The following ME2 variants were observed in gnomAD, a reference collection of about 807,000 sequenced individuals.
ME2 encodes malic enzyme 2.
A neutral mutation model predicts 73.7 loss-of-function variants in ME2; 60 were observed. The ratio of observed to expected loss-of-function variants is 0.81; its 90% CI spans 0.66 to 1.01. The LOEUF is 1.01. Ranked by LOEUF, ME2 falls within the 50% of genes least tolerant of loss-of-function variation. The pLI, the probability that ME2 is intolerant of heterozygous loss-of-function variation, is 0.00. For synonymous variants in ME2, 199 were observed against 236.9 expected (o/e 0.84, Z 1.47); for missense variants, 594 against 705.5 (o/e 0.84, Z 1.79).
chr18:50,911,321 G>T (rs1174595063), intron 3 of ME2, among the ~76,000 whole-genome samples: 1 of 152,120 alleles, frequency 6.6e-6, no homozygotes, highest in African/African-American at 2.4e-5. Context: ...TATTAGCTAT[G>T]TAGAAAATAA....
intron 12 of ME2, among the ~76,000 whole-genome samples, chr18:50,930,087 C>T (rs973778418): frequency 1.3e-5 from 2 of 151,880 alleles, no homozygotes; most frequent in Non-Finnish European, 2.9e-5. Flanking sequence ...TAGCGAAACC[C>T]TGTCTGTATA....
chr18:50,911,120 A>T (rs530118775), intron 3 of ME2, among the ~76,000 whole-genome samples: 1 of 152,202 alleles, frequency 6.6e-6, no homozygotes, highest in African/African-American at 2.4e-5. Flanking sequence ...AAGTGGTAAC[A>T]TTGAGGAGAT....
At chr18:50,892,626 A>C (rs1307829464) in intron 1 of ME2, among the ~76,000 whole-genome samples, 1 of 152,028 alleles carries the variant, frequency 6.6e-6, no homozygotes, top group Non-Finnish European at 1.5e-5. Context: ...ATCTTAACTT[A>C]TTATTGCTGA....
At position 50,932,287 on chromosome 18, in the gene ME2, A is replaced by G. The variant is rs750435192; in HGVS notation, c.1344A>G (p.Pro448=). ...GGTGTTTGTTTGCCAGTGGCAGTCC[A>G]TTTGGGCCAGTGAAACTTACAGATG... ...EGRCLFASGS[P]FGPVKLTDGR... Residue 448 remains proline (P), a synonymous_variant, in exon 13 of 16, where the codon CCA becomes CCG. Transcript: ENST00000321341. The G allele has an allele frequency of 3.7e-6, 6 of 1,612,494 alleles. No individual in the cohort carries two copies. Among genetic ancestry groups the G allele is most frequent in the South Asian group, 3.3e-5 (3 of 90,910 alleles).
At chr18:50,926,001 C>A in intron 12 of ME2, 103 bp downstream of exon 12, 1 of 797,568 alleles carries the variant, frequency 1.3e-6, no homozygotes, top group Non-Finnish European at 2.0e-6. Context: ...CTAGAGATTA[C>A]AGCATGCATC....
chr18:50,922,337 T>C (rs979860946), intron 10 of ME2, among the ~76,000 whole-genome samples: 1 of 152,146 alleles, frequency 6.6e-6, no homozygotes, highest in African/African-American at 2.4e-5. Flanking sequence ...TCGAGGGAGT[T>C]TTCCAAAGTC....
chr18:50,934,627 A>G (rs1917773790), intron 13 of ME2: 1 of 152,144 alleles, frequency 6.6e-6, no homozygotes, highest in African/African-American at 2.4e-5. Context: ...CAGCCTGGGC[A>G]ACAAAGTGAG....
At chr18:50,926,229 G>A (rs986599197) in intron 12 of ME2, among the ~76,000 whole-genome samples, 1 of 152,094 alleles carries the variant, frequency 6.6e-6, no homozygotes, top group African/African-American at 2.4e-5. Context: ...CTTCCTGCAA[G>A]TGCTTCTACC....
At chr18:50,889,730 C>T (rs1326391206) in intron 1 of ME2, among the ~76,000 whole-genome samples, 1 of 152,168 alleles carries the variant, frequency 6.6e-6, no homozygotes, top group Non-Finnish European at 1.5e-5. Context: ...CTAGGAATCT[C>T]ATGCAGTTTT....
chr18:50,904,409 G>A (rs1388158968), intron 2 of ME2, among the ~76,000 whole-genome samples: 1 of 151,436 alleles, frequency 6.6e-6, no homozygotes, highest in Non-Finnish European at 1.5e-5. Context: ...TTCCCAAGTA[G>A]CTGGGACTAC....
chr18:50,920,225 G>T (rs675649), intron 7 of ME2, among the ~76,000 whole-genome samples: 104,731 of 151,968 alleles, frequency 0.69, 36,601 homozygotes, highest in African/African-American at 0.8. Flanking sequence ...TAGATTGATA[G>T]CCCATGGGTT....
rs553939886 is a variant in ME2 at position 50,904,717 on chromosome 18, C to T, written c.109-3346C>T. 8.1e-4 allele frequency among the ~76,000 whole-genome samples: 123 copies of T among 152,102 alleles called. No individual in the cohort carries two copies. The South Asian group carries it at 9.3e-3, about 12-fold the overall frequency. On this transcript the variant is annotated intron_variant, in intron 2 of 15. Transcript: ENST00000321341. ...ACAGGCATGAGCCACTGCGCCTGGC[C>T]GACATTATTTCTTTAGAGAAGTATG... is the stretch of plus-strand genomic sequence containing the variant.
intron 13 of ME2, chr18:50,932,650 C>T (rs1165838853): frequency 4.6e-6 from 1 of 215,294 alleles, no homozygotes; most frequent in African/African-American, 2.3e-5. Flanking sequence ...TCTATCTCCC[C>T]TTGGTGTACC....
At chr18:50,881,421 A>G (rs1327291272) in intron 1 of ME2, among the ~76,000 whole-genome samples, 1 of 152,258 alleles carries the variant, frequency 6.6e-6, no homozygotes, top group Non-Finnish European at 1.5e-5. Context: ...CACACTAAAT[A>G]AAAATTACAT....
At chr18:50,931,458 A>T (rs1479723122) in intron 12 of ME2, among the ~76,000 whole-genome samples, 1 of 152,244 alleles carries the variant, frequency 6.6e-6, no homozygotes, top group African/African-American at 2.4e-5. Context: ...CTGATTTTTT[A>T]AAATTAGTGA....
chr18:50,904,410 C>A (rs35741063), intron 2 of ME2, among the ~76,000 whole-genome samples: 21,389 of 151,558 alleles, frequency 0.14, 2,273 homozygotes, highest in African/African-American at 0.3. Flanking sequence ...TCCCAAGTAG[C>A]TGGGACTACA....
At position 50,950,503 on chromosome 18, in the gene ME2, G is replaced by A. The variant is rs868390143; in HGVS notation, c.*3319G>A. On this transcript the variant is annotated 3_prime_UTR_variant, in exon 16 of 16. Transcript: ENST00000321341. ...TTTTTTTTTTTTTTTTTTAAACAGG[G>A]TCTCTTTCTTTTTCCTTTCTCACTC... 2.8e-4 allele frequency: 11 copies of A among 38,778 alleles called. No homozygotes were observed. The highest frequency in any genetic ancestry group is 5.9e-4 in the Non-Finnish European group (10 of 17,040). 2.4% of individuals were successfully genotyped at this position (38,778 alleles called of 1,614,324 possible). A position where few individuals can be genotyped will look rare whatever the true frequency, so the allele number is the denominator to read the frequency against.
chr18:50,879,867 T>G (rs1447837249), intron 1 of ME2, among the ~76,000 whole-genome samples: 1 of 152,222 alleles, frequency 6.6e-6, no homozygotes, highest in Non-Finnish European at 1.5e-5. Context: ...TGGCAGGTGT[T>G]TCTTTCACGC....
chr18:50,880,641 C>T (rs1303974661), intron 1 of ME2, among the ~76,000 whole-genome samples: 7 of 152,174 alleles, frequency 4.6e-5, no homozygotes, highest in Non-Finnish European at 7.3e-5. Context: ...TGGTCTCGAA[C>T]TCCTGACCTC....
Sources: gnomAD v4.1 joint callset for allele counts (sites outside exome capture counted in the v4.1 genomes callset) on GRCh38, gnomAD v4.1.1 for gene constraint, MANE v1.5 for transcripts, NCBI Gene and HGNC (gene_info 2026-07-23, HGNC 2026-07-21) for gene names.